The following PCNA variants were observed in gnomAD, a reference collection of about 807,000 sequenced individuals.
PCNA encodes the protein proliferating cell nuclear antigen, also known as DNA sliding clamp PCNA.
In PCNA, 4 loss-of-function variants were observed where a neutral mutation model predicts 27.8. The observed-to-expected ratio is 0.14, with a 90% CI of 0.07 to 0.33. The LOEUF (loss-of-function observed/expected upper bound fraction) is 0.33. Ranked by LOEUF, PCNA falls within the 10% of genes least tolerant of loss-of-function variation. PCNA has a pLI of 1.00. For synonymous variants in PCNA, 121 were observed against 119.4 expected (o/e 1.01, Z -0.09); for missense variants, 165 against 327.4 (o/e 0.50, Z 3.83).
intron 1 of PCNA, among the ~76,000 whole-genome samples, chr20:5,125,061 G>T (rs951966829): frequency 6.6e-6 from 1 of 152,098 alleles, no homozygotes; most frequent in East Asian, 1.9e-4. Context: ...CATCTTGCTC[G>T]AGTGCTGTGG....
intron 1 of PCNA, among the ~76,000 whole-genome samples, chr20:5,126,222 A>G (rs1356525257): frequency 6.6e-6 from 1 of 150,710 alleles, no homozygotes; most frequent in East Asian, 1.9e-4. Context: ...AAACAAACGA[A>G]CAAACAAACA....
chr20:5,117,890 A>G (rs1033281714), intron 3 of PCNA, among the ~76,000 whole-genome samples: 3 of 152,256 alleles, frequency 2.0e-5, no homozygotes, highest in Non-Finnish European at 4.4e-5. Context: ...CTCCAGGGAT[A>G]AAGTAAGAGA....
intron 4 of PCNA, 108 bp from the exon 5 acceptor site, chr20:5,115,680 G>A: frequency 1.1e-6 from 1 of 888,508 alleles, no homozygotes; most frequent in Non-Finnish European, 1.7e-6. Flanking sequence ...CACTTTGGAG[G>A]GAGCTATGAA....
At chr20:5,116,451 AT>A (rs1183358727) in intron 4 of PCNA, among the ~76,000 whole-genome samples, 4 of 152,222 alleles carry the variant, frequency 2.6e-5, no homozygotes, top group Non-Finnish European at 5.9e-5. Context: ...TTTCAACTGA[AT>A]TTTACCTTTA....
chr20:5,124,319 T>G (rs1190814811), upstream of PCNA, among the ~76,000 whole-genome samples: 1 of 152,108 alleles, frequency 6.6e-6, no homozygotes, highest in Non-Finnish European at 1.5e-5. Flanking sequence ...TCAGGGGCAT[T>G]TACCAAGATC....
intron 4 of PCNA, among the ~76,000 whole-genome samples, chr20:5,116,240 G>A (rs1195605302): frequency 6.6e-6 from 1 of 152,148 alleles, no homozygotes; most frequent in African/African-American, 2.4e-5. Flanking sequence ...TGAGGCAGGA[G>A]GATCACTTAA....
upstream of PCNA, chr20:5,120,088 C>G (rs541708984): frequency 2.7e-4 from 115 of 420,412 alleles, 1 homozygote; most frequent in South Asian, 2.4e-3. Flanking sequence ...GGCCCGCCCC[C>G]TAGAGCATAC....
chr20:5,125,772 C>T (rs1422441861), intron 1 of PCNA, among the ~76,000 whole-genome samples: 1 of 152,190 alleles, frequency 6.6e-6, no homozygotes, highest in African/African-American at 2.4e-5. Flanking sequence ...TCTTACTAGG[C>T]ACTTTCTAGC....
chr20:5,120,577 G>A (rs1368836210), upstream of PCNA, among the ~76,000 whole-genome samples: 1 of 150,710 alleles, frequency 6.6e-6, no homozygotes, highest in Non-Finnish European at 1.5e-5. Flanking sequence ...CACTCATTCC[G>A]TAAACACTTG....
rs1444998781 is a variant in PCNA, at chr20:5,119,733, G to A, written c.66C>T (p.Leu22=). 1 of 1,593,874 alleles carries A rather than the reference G, an allele frequency of 6.3e-7. No individual in the cohort carries two copies. Among genetic ancestry groups the A allele is most frequent in the Non-Finnish European group, 8.5e-7 (1 of 1,170,364 alleles). Residue 22 remains leucine (L), a synonymous_variant, in exon 1 of 6, where the codon CTC becomes CTT. Transcript: ENST00000379143. ...TAATATCCCAGCAGGCCTCGTTGATGAGGTCCTTGAGTGCCTCCAACACCT... is the reference window on the plus strand; with the variant it reads ...TAATATCCCAGCAGGCCTCGTTGATAAGGTCCTTGAGTGCCTCCAACACCT... ...LKKVLEALKD[L]INEACWDISS...
At position 5,117,347 on chromosome 20, in the gene PCNA, T is replaced by C. The variant is rs1014377322; in HGVS notation, c.582+123A>G. 13 of 670,736 alleles carry C rather than the reference T, an allele frequency of 1.9e-5. No homozygotes were observed. The African/African-American group carries it at 2.2e-4, about 11-fold the overall frequency. 41.5% of individuals were successfully genotyped at this position (670,736 alleles called of 1,614,324 possible). ...ATAAATCATTCGCAGATTTCAACAG[T>C]ATCTCAATTTTCAGAAATTACTTGG... is the stretch of plus-strand genomic sequence containing the variant. On this transcript the variant is annotated intron_variant, in intron 4 of 5. Coordinates refer to ENST00000379143, the MANE Select transcript of PCNA (RefSeq NM_182649.2).
chr20:5,118,184 TGTG>T (rs1205461453), intron 3 of PCNA, among the ~76,000 whole-genome samples: 1 of 152,220 alleles, frequency 6.6e-6, no homozygotes, highest in African/African-American at 2.4e-5. Context: ...GTTTTAGACT[TGTG>T]GTGAACAACT....
intron 3 of PCNA, among the ~76,000 whole-genome samples, chr20:5,117,969 A>G (rs2122901059): frequency 6.6e-6 from 1 of 152,380 alleles, no homozygotes; most frequent in South Asian, 2.1e-4. Context: ...AGAAAGCAAG[A>G]GAATATATTA....
At position 5,119,735 on chromosome 20, in the gene PCNA, G is replaced by A. The variant is rs2090504635; in HGVS notation, c.64C>T (p.Leu22Phe). Reference protein sequence around the residue: ...LKKVLEALKDLINEACWDISS... With the variant: ...LKKVLEALKDFINEACWDISS... ...ATATCCCAGCAGGCCTCGTTGATGA[G>A]GTCCTTGAGTGCCTCCAACACCTTC... Residue 22 changes from leucine to phenylalanine, a missense_variant, in exon 1 of 6, where the codon CTC becomes TTC. Coordinates refer to ENST00000379143, the MANE Select transcript of PCNA (RefSeq NM_182649.2). The A allele has an allele frequency of 6.3e-7, 1 of 1,593,914 alleles. No individual in the cohort carries two copies. Among genetic ancestry groups the A allele is most frequent in the African/African-American group, 1.3e-5 (1 of 74,612 alleles).
At chr20:5,117,688 A>G in intron 3 of PCNA, 24 bp from the exon 4 acceptor site, 4 of 1,474,716 alleles carry the variant, frequency 2.7e-6, no homozygotes, top group East Asian at 2.4e-5. Context: ...AAATTTTCCA[A>G]AAGTTAATTG....
At chr20:5,123,062 G>GA (rs2122917418), upstream of PCNA, among the ~76,000 whole-genome samples, 1 of 152,256 alleles carries the variant, frequency 6.6e-6, no homozygotes, top group South Asian at 2.1e-4. Context: ...TGGAGAGTTG[G>GA]AAAAAAGCAT....
At chr20:5,119,435 G>A (rs572797011) in intron 1 of PCNA, 143 bp downstream of exon 1, 2 of 681,152 alleles carry the variant, frequency 2.9e-6, no homozygotes, top group Admixed American at 5.9e-5. Context: ...CGCTCAGCTG[G>A]GCCCCACCCC....
intron 4 of PCNA, 63 bp from the exon 5 acceptor site, chr20:5,115,635 T>C: frequency 1.4e-6 from 2 of 1,429,166 alleles, no homozygotes; most frequent in Non-Finnish European, 1.9e-6. Context: ...TAGCTCATTA[T>C]ATATTTATAA....
rs1039181449 is a variant in PCNA, at chr20:5,115,183, G to A, written c.*100C>T. 2.6e-6 allele frequency: 2 copies of A among 771,018 alleles called. No individual in the cohort carries two copies. The highest frequency in any genetic ancestry group is 2.6e-5 in the East Asian group (1 of 39,150). The allele number at this position is 771,018 out of a possible 1,614,324, so 47.8% of individuals were successfully genotyped here. A position where few individuals can be genotyped will look rare whatever the true frequency, so the allele number is the denominator to read the frequency against. On this transcript the variant is annotated 3_prime_UTR_variant, in exon 6 of 6. Coordinates refer to ENST00000379143, the MANE Select transcript of PCNA (RefSeq NM_182649.2). ...AAAACAATATCTACATATGTACTTA[G>A]AGGTACAAATTTGGTGACAGAAAAG...
Sources: allele counts gnomAD v4.1 joint callset (sites outside exome capture counted in the v4.1 genomes callset), GRCh38; gene constraint gnomAD v4.1.1; transcripts MANE v1.5; gene names NCBI Gene and HGNC (gene_info 2026-07-23, HGNC 2026-07-21).